The following TMCO5A variants were observed in gnomAD, a reference collection of about 807,000 sequenced individuals.
TMCO5A encodes the protein transmembrane and coiled-coil domains 5A, also known as transmembrane and coiled-coil domain-containing protein 5A.
Under a neutral mutation model 42.3 loss-of-function variants are expected in TMCO5A, and 34 were observed. The ratio of observed to expected loss-of-function variants is 0.80; its 90% CI spans 0.61 to 1.07. TMCO5A has a LOEUF of 1.07. Among genes scored for constraint, TMCO5A ranks in the 50% least tolerant of loss-of-function variants. The pLI, the probability that TMCO5A is intolerant of heterozygous loss-of-function variation, is 0.00. For synonymous variants in TMCO5A, 131 were observed against 115.6 expected, an observed-to-expected ratio of 1.13 and a Z score of -0.86; for missense variants, 357 against 327.9, an observed-to-expected ratio of 1.09 and a Z score of -0.69.
the TMCO5A span, among the ~76,000 whole-genome samples, chr15:38,003,454 A>T: frequency 6.6e-6 from 1 of 152,150 alleles, no homozygotes; most frequent in Non-Finnish European, 1.5e-5. Context: ...AAATCTAGCC[A>T]AGCTCATGTC....
At chr15:38,005,392 T>C in the TMCO5A span, among the ~76,000 whole-genome samples, 2 of 93,014 alleles carry the variant, frequency 2.2e-5, no homozygotes, top group African/African-American at 4.8e-5. Flanking sequence ...ACCCCATCTC[T>C]ACCAAAAAAA....
At chr15:37,994,917 T>C in the TMCO5A span, among the ~76,000 whole-genome samples, 1 of 152,206 alleles carries the variant, frequency 6.6e-6, no homozygotes, top group African/African-American at 2.4e-5. Context: ...TCAGCACCTC[T>C]TGATTTGGTT....
chr15:37,947,281 C>T (rs1049931856), intron 10 of TMCO5A, among the ~76,000 whole-genome samples: 5 of 151,812 alleles, frequency 3.3e-5, no homozygotes, highest in African/African-American at 1.2e-4. Context: ...GTTTTCTTAG[C>T]CTATAAGCTT....
intron 11 of TMCO5A, among the ~76,000 whole-genome samples, chr15:37,949,146 G>GA (rs985014986): frequency 9.4e-5 from 14 of 148,940 alleles, no homozygotes; most frequent in African/African-American, 2.9e-4. Context: ...TCAGTTGAAA[G>GA]AAAAAAAAAT....
At chr15:38,008,165 G>T in the TMCO5A span, among the ~76,000 whole-genome samples, 1 of 151,510 alleles carries the variant, frequency 6.6e-6, no homozygotes, top group Non-Finnish European at 1.5e-5. Context: ...AAAGTGCTGA[G>T]ATTACAGGCG....
chr15:37,982,491 T>TATCTATATATAATAGATATTATA, the TMCO5A span, among the ~76,000 whole-genome samples: 1 of 144,908 alleles, frequency 6.9e-6, no homozygotes, highest in Non-Finnish European at 1.5e-5. Context: ...TATTATATAT[T>TATCTATATATAATAGATATTATA]ATCTATATAT....
the TMCO5A span, among the ~76,000 whole-genome samples, chr15:37,990,372 T>C: frequency 1.3e-5 from 2 of 152,128 alleles, no homozygotes; most frequent in African/African-American, 4.8e-5. Flanking sequence ...ACCTTCTTTG[T>C]TCCTTGTGAT....
chr15:38,030,208 G>A, the TMCO5A span, among the ~76,000 whole-genome samples: 1 of 152,158 alleles, frequency 6.6e-6, no homozygotes, highest in African/African-American at 2.4e-5. Context: ...CCCAGTAACT[G>A]GATCAGACAG....
At chr15:37,956,186 C>T (rs1890285320), downstream of TMCO5A, among the ~76,000 whole-genome samples, 1 of 152,062 alleles carries the variant, frequency 6.6e-6, no homozygotes. Flanking sequence ...ATTAAAAGAA[C>T]TAGAGAAGCA....
intron 11 of TMCO5A, among the ~76,000 whole-genome samples, chr15:37,958,059 C>G (rs1890334966): frequency 6.6e-6 from 1 of 152,134 alleles, no homozygotes; most frequent in African/African-American, 2.4e-5. Flanking sequence ...GAAACTGGAT[C>G]CCTTCCTTAC....
At chr15:37,960,045 G>A (rs189840521) in intron 11 of TMCO5A, among the ~76,000 whole-genome samples, 9 of 152,004 alleles carry the variant, frequency 5.9e-5, no homozygotes, top group Admixed American at 4.6e-4. Context: ...GGGTACAGTT[G>A]GTATTTGGTC....
intron 11 of TMCO5A, among the ~76,000 whole-genome samples, chr15:37,957,492 G>T (rs907394790): frequency 2.0e-5 from 3 of 152,060 alleles, no homozygotes; most frequent in African/African-American, 7.2e-5. Context: ...ATTCACAATT[G>T]CTACAAAGAG....
chr15:37,991,786 G>A, the TMCO5A span, among the ~76,000 whole-genome samples: 1 of 152,072 alleles, frequency 6.6e-6, no homozygotes, highest in African/African-American at 2.4e-5. Flanking sequence ...AATGGTGCTG[G>A]GATAACTGGC....
rs757474793 is a variant in TMCO5A at position 37,936,330 on chromosome 15, A to G, written c.7A>G (p.Ile3Val). Residue 3 changes from isoleucine to valine, a missense_variant, in exon 3 of 12, where the codon ATC becomes GTC. Transcript: ENST00000319669. Reference sequence around the variant, plus strand: ...AGTCTATAGGTCGGAGAAAATGGAAATCTCAAGATTGGCTCAGTCAAAAAG... The same window carrying G: ...AGTCTATAGGTCGGAGAAAATGGAAGTCTCAAGATTGGCTCAGTCAAAAAG... ME[I>V]SRLAQSKRNI... The G allele has an allele frequency of 1.2e-6, 2 of 1,610,816 alleles. No homozygotes were observed. Among genetic ancestry groups the G allele is most frequent in the Non-Finnish European group, 1.7e-6 (2 of 1,178,768 alleles).
the TMCO5A span, among the ~76,000 whole-genome samples, chr15:38,029,289 CAT>C: frequency 6.6e-6 from 1 of 151,980 alleles, no homozygotes; most frequent in African/African-American, 2.4e-5. Flanking sequence ...CACACACACA[CAT>C]ATGCATACAC....
At chr15:38,035,226 G>A in the TMCO5A span, among the ~76,000 whole-genome samples, 1 of 152,212 alleles carries the variant, frequency 6.6e-6, no homozygotes, top group Non-Finnish European at 1.5e-5. Context: ...AAGTACATGG[G>A]AGAATATAAC....
chr15:37,962,673 T>G (rs1347995464), intron 11 of TMCO5A, among the ~76,000 whole-genome samples: 1 of 152,116 alleles, frequency 6.6e-6, no homozygotes, highest in East Asian at 1.9e-4. Context: ...GGTCCTGGAC[T>G]TTTTTGTGTG....
At chr15:37,977,371 G>T in the TMCO5A span, among the ~76,000 whole-genome samples, 103 of 152,192 alleles carry the variant, frequency 6.8e-4, no homozygotes, top group African/African-American at 2.5e-3. Context: ...TGTAATTTGA[G>T]TATAGTCTGT....
Position 37,951,395 on chromosome 15 carries a change from C to T in TMCO5A, c.*161C>T, listed in dbSNP as rs1890153885. On this transcript the variant is annotated 3_prime_UTR_variant, in exon 12 of 12. Transcript: ENST00000319669. ...ACCACGTCATCTTTCCAGGATTAACCTTGACCAGTAAAAAGCTCTGTAATA... is the reference window on the plus strand; with the variant it reads ...ACCACGTCATCTTTCCAGGATTAACTTTGACCAGTAAAAAGCTCTGTAATA... The T allele has an allele frequency of 1.5e-6, 1 of 649,580 alleles. No homozygotes were observed. The highest frequency in any genetic ancestry group is 2.6e-6 in the Non-Finnish European group (1 of 382,286). The allele number at this position is 649,580 out of a possible 1,614,324, so 40.2% of individuals were successfully genotyped here. A position where few individuals can be genotyped will look rare whatever the true frequency, so the allele number is the denominator to read the frequency against.
Sources: allele counts gnomAD v4.1 joint callset (sites outside exome capture counted in the v4.1 genomes callset), GRCh38; gene constraint gnomAD v4.1.1; transcripts MANE v1.5; gene names NCBI Gene and HGNC (gene_info 2026-07-23, HGNC 2026-07-21).